Variants in SPACDR observed in about 807,000 individuals in gnomAD.
SPACDR encodes the protein uncharacterized protein C7orf61.
the SPACDR span, among the ~76,000 whole-genome samples, chr7:100,461,557 C>T: frequency 2.0e-5 from 3 of 151,914 alleles, no homozygotes; most frequent in Non-Finnish European, 4.4e-5. Flanking sequence ...GGATTACAGG[C>T]ATGATCCACT....
the SPACDR span, among the ~76,000 whole-genome samples, chr7:100,462,537 GAC>G: frequency 1.9e-4 from 28 of 150,902 alleles, no homozygotes; most frequent in Non-Finnish European, 3.4e-4. Flanking sequence ...ATTTTTAAGA[GAC>G]AGAGTCTCGC....
the SPACDR span, among the ~76,000 whole-genome samples, chr7:100,459,611 A>G: frequency 1.4e-3 from 205 of 151,810 alleles, 1 homozygote; most frequent in African/African-American, 4.9e-3. Context: ...GTCTTTTTAG[A>G]ATTTTATTTA....
At chr7:100,464,090 G>GGGGGGGGGT in the SPACDR span, 1 of 1,496,570 alleles carries the variant, frequency 6.7e-7, no homozygotes, top group Non-Finnish European at 9.0e-7. Flanking sequence ...GGGGGTGGCG[G>GGGGGGGGGT]GTGGGGGATG....
chr7:100,457,012 G>A, the SPACDR span: 1 of 1,553,588 alleles, frequency 6.4e-7, no homozygotes, highest in Non-Finnish European at 8.8e-7. Context: ...AGATGTGCAT[G>A]CGTAAATAGC....
chr7:100,460,180 C>T, the SPACDR span, among the ~76,000 whole-genome samples: 5 of 149,902 alleles, frequency 3.3e-5, no homozygotes, highest in East Asian at 4.1e-4. Flanking sequence ...TGAGCCACTG[C>T]GCCTGGCCTC....
chr7:100,460,483 T>C, the SPACDR span, among the ~76,000 whole-genome samples: 2 of 151,676 alleles, frequency 1.3e-5, no homozygotes, highest in African/African-American at 4.8e-5. Context: ...CCCAGCTACT[T>C]GGGAGGCTGA....
the SPACDR span, among the ~76,000 whole-genome samples, chr7:100,462,618 G>A: frequency 1.3e-5 from 2 of 151,988 alleles, no homozygotes; most frequent in Non-Finnish European, 2.9e-5. Flanking sequence ...CTGGGCTCAT[G>A]TGTTCCTCCT....
chr7:100,457,841 G>GTA, the SPACDR span, among the ~76,000 whole-genome samples: 1 of 85,102 alleles, frequency 1.2e-5, no homozygotes, highest in Non-Finnish European at 2.3e-5. Flanking sequence ...GTGTGTGTGT[G>GTA]TATATATATA....
At chr7:100,457,051 C>A in the SPACDR span, 1 of 1,185,520 alleles carries the variant, frequency 8.4e-7, no homozygotes, top group African/African-American at 1.5e-5. Flanking sequence ...GCCGCTAGAA[C>A]GACCCATAGA....
At chr7:100,458,404 A>G in the SPACDR span, among the ~76,000 whole-genome samples, 1 of 152,088 alleles carries the variant, frequency 6.6e-6, no homozygotes, top group Admixed American at 6.6e-5. Flanking sequence ...AAAGCAAAAA[A>G]CAAAAACAAA....
the SPACDR span, among the ~76,000 whole-genome samples, chr7:100,462,065 G>T: frequency 6.6e-6 from 1 of 150,948 alleles, no homozygotes; most frequent in Non-Finnish European, 1.5e-5. Flanking sequence ...CCTACAGCCC[G>T]CTTGACAACG....
chr7:100,459,076 T>C, the SPACDR span, among the ~76,000 whole-genome samples: 3 of 141,018 alleles, frequency 2.1e-5, no homozygotes, highest in East Asian at 7.3e-4. Flanking sequence ...CAATCTTGGC[T>C]CACTGCAAGC....
At chr7:100,461,247 C>T in the SPACDR span, among the ~76,000 whole-genome samples, 1 of 152,088 alleles carries the variant, frequency 6.6e-6, no homozygotes, top group East Asian at 1.9e-4. Context: ...CCACACCCCA[C>T]TGATTTTTGT....
At chr7:100,457,841 G>GTGTGTGTGTGTGTATA in the SPACDR span, among the ~76,000 whole-genome samples, 6 of 85,078 alleles carry the variant, frequency 7.1e-5, no homozygotes, top group East Asian at 2.0e-3. Flanking sequence ...GTGTGTGTGT[G>GTGTGTGTGTGTGTATA]TATATATATA....
the SPACDR span, chr7:100,457,067 A>G: frequency 1.1e-6 from 1 of 914,584 alleles, no homozygotes; most frequent in Non-Finnish European, 1.6e-6. Context: ...ATAGATAAAC[A>G]GCAAAGGGCT....
At chr7:100,463,880 G>C in the SPACDR span, 2 of 1,475,700 alleles carry the variant, frequency 1.4e-6, no homozygotes, top group Non-Finnish European at 1.9e-6. Context: ...CAGGAAGGGA[G>C]GGAACCCACG....
chr7:100,456,801 C>T, the SPACDR span: 18 of 1,612,944 alleles, frequency 1.1e-5, no homozygotes, highest in South Asian at 2.2e-5. Flanking sequence ...CGGGTTGGGT[C>T]GGGGGGCAGC....
chr7:100,462,676 C>T, the SPACDR span, among the ~76,000 whole-genome samples: 1 of 151,776 alleles, frequency 6.6e-6, no homozygotes, highest in African/African-American at 2.4e-5. Context: ...CTAAGCCTGG[C>T]TAATTTTTAA....
chr7:100,459,389 G>A, the SPACDR span, among the ~76,000 whole-genome samples: 20 of 151,246 alleles, frequency 1.3e-4, no homozygotes, highest in African/African-American at 4.4e-4. Flanking sequence ...TGCAACCTCC[G>A]CCTCCCAGGT....
Sources: gnomAD v4.1 joint callset for allele counts (sites outside exome capture counted in the v4.1 genomes callset) on GRCh38, gnomAD v4.1.1 for gene constraint, MANE v1.5 for transcripts, NCBI Gene and HGNC (gene_info 2026-07-23, HGNC 2026-07-21) for gene names.